KATNAL1: variants seen among roughly 807,000 people sequenced by gnomAD.
KATNAL1 encodes katanin catalytic subunit A1 like 1, also known as katanin p60 ATPase-containing subunit A-like 1.
In KATNAL1, 32 loss-of-function variants were observed where a neutral mutation model predicts 55.2. That is an observed-to-expected ratio of 0.58 (90% CI 0.44 to 0.78). KATNAL1 has a LOEUF of 0.78. Ranked by LOEUF, KATNAL1 falls within the 30% of genes least tolerant of loss-of-function variation. The pLI, the probability that KATNAL1 is intolerant of heterozygous loss-of-function variation, is 0.00. For synonymous variants in KATNAL1, 193 were observed against 193.6 expected (o/e 1.00, Z 0.02); for missense variants, 466 against 600.9 (o/e 0.78, Z 2.35).
At chr13:30,232,192 A>G (rs192197070) in intron 6 of KATNAL1, among the ~76,000 whole-genome samples, 196 of 152,328 alleles carry the variant, frequency 1.3e-3, no homozygotes, top group African/African-American at 4.6e-3. Flanking sequence ...CTCTAGTCTT[A>G]AAAACTAATG....
rs1197154979 is a variant in KATNAL1 at position 30,280,174 on chromosome 13, CT to C, written c.211del (p.Ser71AlafsTer3). 6.2e-7 allele frequency: 1 copy of C among 1,612,018 alleles called. No individual in the cohort carries two copies. Among genetic ancestry groups the C allele is most frequent in the Non-Finnish European group, 8.5e-7 (1 of 1,179,280 alleles). The part of the protein sequence containing the change: ...EEYEQVKSIV[S>X]TLESFKIDKP... ...GTCAATTTTAAAACTTTCTAAAGTGCTGACAATACTTTTAACTTGTTCATAT... is the reference window on the plus strand; with the variant it reads ...GTCAATTTTAAAACTTTCTAAAGTGCGACAATACTTTTAACTTGTTCATAT... On this transcript the variant is annotated frameshift_variant, in exon 3 of 11. Transcript: ENST00000380615. LOFTEE classifies it high-confidence loss of function.
chr13:30,264,452 G>A (rs1187217058), intron 3 of KATNAL1, among the ~76,000 whole-genome samples: 2 of 145,866 alleles, frequency 1.4e-5, no homozygotes, highest in Non-Finnish European at 3.0e-5. Flanking sequence ...CTACAAAATG[G>A]GAGAAAATTT....
intron 3 of KATNAL1, among the ~76,000 whole-genome samples, chr13:30,258,354 C>T (rs1046550492): frequency 6.6e-6 from 1 of 152,136 alleles, no homozygotes; most frequent in Non-Finnish European, 1.5e-5. Context: ...GTTATTGGTA[C>T]TGCTTTATAT....
intron 6 of KATNAL1, among the ~76,000 whole-genome samples, chr13:30,233,328 T>C (rs1294993007): frequency 1.3e-5 from 2 of 152,060 alleles, no homozygotes; most frequent in African/African-American, 2.4e-5. Flanking sequence ...AAAGAAGACA[T>C]ACAAATGTCC....
intron 3 of KATNAL1, among the ~76,000 whole-genome samples, chr13:30,270,336 G>A (rs1218449814): frequency 6.6e-6 from 1 of 151,398 alleles, no homozygotes; most frequent in Non-Finnish European, 1.5e-5. Context: ...CGCCCCACCC[G>A]GGAGGTGAGG....
intron 9 of KATNAL1, among the ~76,000 whole-genome samples, chr13:30,216,991 CA>C (rs1874330190): frequency 6.6e-6 from 1 of 151,288 alleles, no homozygotes; most frequent in African/African-American, 2.4e-5. Flanking sequence ...AATGAACATA[CA>C]TAAACCTGTT....
At chr13:30,271,145 C>T (rs570810244) in intron 3 of KATNAL1, among the ~76,000 whole-genome samples, 1 of 152,252 alleles carries the variant, frequency 6.6e-6, no homozygotes, top group African/African-American at 2.4e-5. Flanking sequence ...CCTATGTGTC[C>T]AGATGTTCTT....
intron 4 of KATNAL1, among the ~76,000 whole-genome samples, chr13:30,245,515 A>T (rs920116356): frequency 3.3e-4 from 50 of 152,220 alleles, no homozygotes; most frequent in African/African-American, 1.2e-3. Context: ...GCCCTCTCTC[A>T]CCACTCCTAT....
At chr13:30,235,532 T>G (rs993222780) in intron 6 of KATNAL1, among the ~76,000 whole-genome samples, 2 of 152,188 alleles carry the variant, frequency 1.3e-5, no homozygotes, top group African/African-American at 4.8e-5. Context: ...AACATGAGAT[T>G]TGGTGGGACA....
Position 30,208,532 on chromosome 13 carries a change from A to G in KATNAL1, c.*8T>C. The G allele has an allele frequency of 6.6e-7, 1 of 1,505,210 alleles. No homozygotes were observed. 93.2% of individuals were successfully genotyped at this position (1,505,210 alleles called of 1,614,324 possible). ...AAAAATACCAGAAATTAAAGAGCTG[A>G]CAGAAATTCAAGCAGATCCAAATTC... On this transcript the variant is annotated 3_prime_UTR_variant, in exon 11 of 11. Transcript: ENST00000380615.
Position 30,295,175 on chromosome 13 carries a change from T to C in KATNAL1, c.-14-11384A>G, listed in dbSNP as rs766759298. 1.3e-4 allele frequency among the ~76,000 whole-genome samples: 20 copies of C among 152,214 alleles called. 1 individual carries two copies. Among genetic ancestry groups the C allele is most frequent in the Non-Finnish European group, 1.9e-4 (13 of 68,034 alleles). On this transcript the variant is annotated intron_variant, in intron 1 of 10. Transcript: ENST00000380615. ...TTAAGAAATACATTTTTTAAGGCTA[T>C]AGGTGCCATAGATAGTGATTTCCTT... is the stretch of plus-strand genomic sequence containing the variant.
intron 4 of KATNAL1, among the ~76,000 whole-genome samples, chr13:30,249,232 C>CA (rs879849637): frequency 3.7e-3 from 496 of 132,692 alleles, no homozygotes; most frequent in Middle Eastern, 0.015. Flanking sequence ...AATTCTGTCT[C>CA]AAAAAAAAAA....
chr13:30,273,809 C>T (rs1043807500), intron 3 of KATNAL1, among the ~76,000 whole-genome samples: 2 of 152,170 alleles, frequency 1.3e-5, no homozygotes, highest in Non-Finnish European at 2.9e-5. Flanking sequence ...AATAACTACA[C>T]GAATCCTAAT....
intron 1 of KATNAL1, among the ~76,000 whole-genome samples, chr13:30,294,615 G>A (rs1234661574): frequency 1.3e-5 from 2 of 152,190 alleles, no homozygotes; most frequent in African/African-American, 4.8e-5. Flanking sequence ...GCAGCAAGTT[G>A]TCTAGAACTA....
intron 1 of KATNAL1, among the ~76,000 whole-genome samples, chr13:30,302,801 TTTGGTG>T (rs1360711565): frequency 6.6e-6 from 1 of 152,220 alleles, no homozygotes; most frequent in African/African-American, 2.4e-5. Flanking sequence ...TCATGTATCA[TTTGGTG>T]CACTGTTTGA....
intron 4 of KATNAL1, among the ~76,000 whole-genome samples, chr13:30,251,689 A>G (rs144892561): frequency 6.6e-6 from 1 of 152,336 alleles, no homozygotes; most frequent in Admixed American, 6.5e-5. Flanking sequence ...AAGAGACCAG[A>G]CACACTGAAA....
chr13:30,267,895 G>C lies in KATNAL1; in HGVS notation c.323+12168C>G, dbSNP rs184264597. ...CACAAGTGAGATCTGAGACAGGGTC[G>C]TAGCCCCACACAAGTCAAAGAAGTT... On this transcript the variant is annotated intron_variant, in intron 3 of 10. Coordinates refer to ENST00000380615, the MANE Select transcript of KATNAL1 (RefSeq NM_032116.5). Among the ~76,000 whole-genome samples the C allele has an allele frequency of 1.4e-4, 22 of 152,164 alleles. 1 individual carries two copies. Among genetic ancestry groups the C allele is most frequent in the Non-Finnish European group, 1.5e-5 (1 of 68,030 alleles).
chr13:30,213,609 C>G (rs1010158371), intron 9 of KATNAL1, among the ~76,000 whole-genome samples: 5 of 152,220 alleles, frequency 3.3e-5, no homozygotes, highest in Non-Finnish European at 4.4e-5. Context: ...GGATGCAAGG[C>G]TGGTTCAACA....
intron 9 of KATNAL1, among the ~76,000 whole-genome samples, chr13:30,225,673 CACACACACACACAA>C: frequency 1.3e-5 from 2 of 151,736 alleles, no homozygotes; most frequent in Middle Eastern, 6.8e-3. Context: ...CACACACACA[CACACACACACACAA>C]ATTCATTCAA....
Sources: gnomAD v4.1 joint callset for allele counts (sites outside exome capture counted in the v4.1 genomes callset) on GRCh38, gnomAD v4.1.1 for gene constraint, MANE v1.5 for transcripts, NCBI Gene and HGNC (gene_info 2026-07-23, HGNC 2026-07-21) for gene names.